The following ARAP2 variants were observed in gnomAD, a reference collection of about 807,000 sequenced individuals.
The protein encoded by ARAP2 is arf-GAP with Rho-GAP domain, ANK repeat and PH domain-containing protein 2.
ARAP2 carries 148 observed loss-of-function variants against 194.5 expected under a neutral mutation model. The ratio of observed to expected loss-of-function variants is 0.76; its 90% CI spans 0.67 to 0.87. The LOEUF (loss-of-function observed/expected upper bound fraction) is 0.87. ARAP2 is among the 40% of genes least tolerant of loss of function. The probability of loss-of-function intolerance (pLI) is 0.00; values close to 1 mark genes in which losing one functional copy is unlikely to be tolerated. For missense variants in ARAP2, 2,128 were observed against 1,989.7 expected, an observed-to-expected ratio of 1.07 and a Z score of -1.32; for synonymous variants, 695 against 683.5, an observed-to-expected ratio of 1.02 and a Z score of -0.26.
At chr4:36,019,403 G>A (rs1236512212) in intron 5 of ARAP2, 2 of 149,310 alleles carry the variant, frequency 1.3e-5, no homozygotes, top group African/African-American at 5.2e-5. Context: ...AACAAAGCAG[G>A]CATAGTTCAA....
chr4:36,181,998 G>A (rs1739387768), intron 8 of ARAP2, among the ~76,000 whole-genome samples: 1 of 152,224 alleles, frequency 6.6e-6, no homozygotes, highest in African/African-American at 2.4e-5. Flanking sequence ...CAGGCTGGAG[G>A]AAGAGCATTC....
chr4:36,014,115 C>A (rs530826229), intron 8 of ARAP2, among the ~76,000 whole-genome samples: 1 of 151,484 alleles, frequency 6.6e-6, no homozygotes, highest in Middle Eastern at 3.4e-3. Context: ...GTAGTGCCAG[C>A]TACTTGGGGG....
chr4:36,072,635 C>G (rs1727266189), intron 32 of ARAP2, among the ~76,000 whole-genome samples: 2 of 147,244 alleles, frequency 1.4e-5, no homozygotes, highest in South Asian at 4.3e-4. Flanking sequence ...AGATAAGGAA[C>G]TCTGCAGAGC....
intron 9 of ARAP2, among the ~76,000 whole-genome samples, chr4:36,169,096 T>TAGCA (rs1422612888): frequency 6.6e-6 from 1 of 152,170 alleles, no homozygotes; most frequent in Non-Finnish European, 1.5e-5. Flanking sequence ...AAGGTAGCAG[T>TAGCA]AGCAAGATAA....
chr4:36,160,274 T>C (rs149007827), intron 13 of ARAP2, 185 bp downstream of exon 13: 9 of 1,200,550 alleles, frequency 7.5e-6, no homozygotes, highest in Non-Finnish European at 9.3e-6. Flanking sequence ...GAATTTATGC[T>C]CTTTTGACAA....
chr4:36,164,194 T>C (rs1048596125), intron 11 of ARAP2, among the ~76,000 whole-genome samples: 1 of 152,032 alleles, frequency 6.6e-6, no homozygotes, highest in Non-Finnish European at 1.5e-5. Context: ...TCATCTGTGT[T>C]TGTGTGTGTA....
chr4:36,210,857 C>T (rs1465567000), intron 5 of ARAP2, 114 bp from the exon 6 acceptor site: 3 of 793,848 alleles, frequency 3.8e-6, no homozygotes, highest in Non-Finnish European at 5.8e-6. Flanking sequence ...CAGGAAAATC[C>T]TAGAGTTTCC....
intron 26 of ARAP2, among the ~76,000 whole-genome samples, chr4:36,113,310 A>G (rs553614795): frequency 5.9e-5 from 9 of 151,998 alleles, no homozygotes; most frequent in Non-Finnish European, 1.0e-4. Context: ...GTATATTTAA[A>G]AATAACATTG....
intron 21 of ARAP2, 46 bp downstream of exon 21, chr4:36,128,477 TACACACACAC>T (rs113034093): frequency 3.2e-6 from 3 of 946,102 alleles, no homozygotes; most frequent in Non-Finnish European, 3.3e-6. Context: ...GTCTATATTA[TACACACACAC>T]ACACACACAC....
intron 2 of ARAP2, among the ~76,000 whole-genome samples, chr4:36,221,137 G>A (rs1223790052): frequency 1.3e-5 from 2 of 152,006 alleles, no homozygotes; most frequent in African/African-American, 4.8e-5. Flanking sequence ...GTTCAGTACA[G>A]TAATATGCTG....
Position 36,155,209 on chromosome 4 carries a change from C to T in ARAP2, c.2752+3521G>A, listed in dbSNP as rs186457163. Among the ~76,000 whole-genome samples, 6 of 152,290 alleles carry T rather than the reference C, an allele frequency of 3.9e-5. No individual in the cohort carries two copies. In the East Asian group the frequency reaches 5.8e-4, roughly 15 times the overall value. On this transcript the variant is annotated intron_variant, in intron 15 of 32. Transcript: ENST00000303965. ...TTGGGGTATCAAAGATTTGATAATC[C>T]TTGACAAGCTAGAAAAAGCTGATGC...
rs959093108 is a variant in ARAP2 at position 36,124,986 on chromosome 4, C to A, written c.3641-19G>T. ...TGCGTATCTGAAGGGGAAAAAAAAACAATCTTGAGATCTAAACTAATTATC... is the reference window on the plus strand; with the variant it reads ...TGCGTATCTGAAGGGGAAAAAAAAAAAATCTTGAGATCTAAACTAATTATC... On this transcript the variant is annotated intron_variant, in intron 21 of 32. Transcript: ENST00000303965. 6.9e-7 allele frequency: 1 copy of A among 1,449,708 alleles called. No individual in the cohort carries two copies. Among genetic ancestry groups the A allele is most frequent in the Non-Finnish European group, 9.7e-7 (1 of 1,034,738 alleles). The allele number at this position is 1,449,708 out of a possible 1,614,324, so 89.8% of individuals were successfully genotyped here. A position where few individuals can be genotyped will look rare whatever the true frequency, so the allele number is the denominator to read the frequency against.
chr4:36,190,150 C>G (rs1225741430), intron 7 of ARAP2, among the ~76,000 whole-genome samples: 3 of 152,222 alleles, frequency 2.0e-5, no homozygotes, highest in Non-Finnish European at 4.4e-5. Flanking sequence ...TCTGCACATA[C>G]TTACTGCCTC....
intron 6 of ARAP2, among the ~76,000 whole-genome samples, chr4:36,195,702 A>G (rs1037313202): frequency 3.3e-5 from 5 of 152,202 alleles, no homozygotes; most frequent in African/African-American, 9.6e-5. Context: ...TTTCAGTTAC[A>G]TCTAAACCAA....
Position 36,164,946 on chromosome 4 carries a change from T to C in ARAP2, c.2141A>G (p.Asn714Ser), listed in dbSNP as rs202144416. Reference protein sequence around the residue: ...KAPDPDWASINLCVVICKKCA... With the variant: ...KAPDPDWASISLCVVICKKCA... ...CTTCTTACAGATGACAACACAGAGA[T>C]TGATGGATGCCCAGTCAGGATCTGG... The change falls in exon 11 of 33, where the codon AAT (asparagine) becomes AGT (serine). Residue 714 changes from asparagine (N) to serine (S), a missense_variant. Physicochemically the swap from Asn to Ser is conservative, Grantham distance 46. Coordinates refer to ENST00000303965, the MANE Select transcript of ARAP2 (RefSeq NM_015230.4). 94 of 1,614,090 alleles carry C rather than the reference T, an allele frequency of 5.8e-5. No individual in the cohort carries two copies. Among genetic ancestry groups the C allele is most frequent in the South Asian group, 4.9e-4 (45 of 91,084 alleles).
chr4:36,008,053 T>C (rs1333538770), intron 9 of ARAP2, among the ~76,000 whole-genome samples: 4 of 151,756 alleles, frequency 2.6e-5, no homozygotes, highest in Non-Finnish European at 5.9e-5. Context: ...ACAACACAAA[T>C]AAATTGAAAA....
intron 5 of ARAP2, among the ~76,000 whole-genome samples, chr4:36,042,387 G>A (rs894679582): frequency 2.0e-5 from 3 of 152,080 alleles, no homozygotes; most frequent in Admixed American, 6.5e-5. Flanking sequence ...TCCAAAGGGC[G>A]GAAAGATCAT....
intron 29 of ARAP2, 121 bp from the exon 30 acceptor site, chr4:36,082,407 G>T: frequency 1.0e-6 from 1 of 985,678 alleles, no homozygotes; most frequent in Non-Finnish European, 1.5e-6. Context: ...ACTTCCACAA[G>T]TGGTGATTCA....
chr4:36,069,129 T>A (rs1472918361), intron 32 of ARAP2, among the ~76,000 whole-genome samples: 1 of 152,176 alleles, frequency 6.6e-6, no homozygotes, highest in Non-Finnish European at 1.5e-5. Flanking sequence ...TGAAGAAAAG[T>A]TTAAACAGTT....
Sources: gnomAD v4.1 joint callset for allele counts (sites outside exome capture counted in the v4.1 genomes callset) on GRCh38, gnomAD v4.1.1 for gene constraint, MANE v1.5 for transcripts, NCBI Gene and HGNC (gene_info 2026-07-23, HGNC 2026-07-21) for gene names.